The following WNT3 variants were observed in gnomAD, a reference collection of about 807,000 sequenced individuals.
WNT3 encodes proto-oncogene Wnt-3.
In WNT3, 7 loss-of-function variants were observed where a neutral mutation model predicts 34.2. The observed-to-expected ratio is 0.20, with a 90% confidence interval of 0.12 to 0.38. The LOEUF (loss-of-function observed/expected upper bound fraction) is 0.38, where lower values mean the gene tolerates loss of function less well. WNT3 is among the 10% of genes least tolerant of loss of function. The probability of loss-of-function intolerance (pLI) is 1.00; values close to 1 mark genes in which losing one functional copy is unlikely to be tolerated. For missense variants in WNT3, 267 were observed against 499.8 expected (o/e 0.53, Z 4.44); for synonymous variants, 212 against 211.5 (o/e 1.00, Z -0.02).
chr17:46,773,630 A>AACC, intron 2 of WNT3, 38 bp downstream of exon 2: 6 of 149,016 alleles, frequency 4.0e-5, no homozygotes, highest in South Asian at 2.3e-4. Context: ...CCCTCCCCCC[A>AACC]CCCAGCCCCT....
intron 1 of WNT3, among the ~76,000 whole-genome samples, chr17:46,789,157 T>C (rs1452524788): frequency 6.6e-6 from 1 of 152,152 alleles, no homozygotes; most frequent in African/African-American, 2.4e-5. Flanking sequence ...TACCTGAACC[T>C]GGAGCTGCCC....
chr17:46,767,302 C>T (rs750563140), intron 4 of WNT3, among the ~76,000 whole-genome samples: 8 of 152,126 alleles, frequency 5.3e-5, no homozygotes, highest in Admixed American at 2.0e-4. Flanking sequence ...CCTCCTGCTC[C>T]CCGTCATCAT....
intron 1 of WNT3, among the ~76,000 whole-genome samples, chr17:46,809,312 G>A (rs1568096479): frequency 1.3e-5 from 2 of 152,172 alleles, no homozygotes; most frequent in Non-Finnish European, 2.9e-5. Context: ...CACAGCACAA[G>A]CCCTATTTGC....
chr17:46,796,991 C>A (rs1280895643), intron 1 of WNT3, among the ~76,000 whole-genome samples: 2 of 152,110 alleles, frequency 1.3e-5, no homozygotes, highest in East Asian at 1.9e-4. Flanking sequence ...AGAATCTTCT[C>A]GATCCCATTT....
intron 1 of WNT3, among the ~76,000 whole-genome samples, chr17:46,806,313 G>A (rs541720116): frequency 7.6e-5 from 11 of 144,048 alleles, no homozygotes; most frequent in South Asian, 2.2e-4. Context: ...CGGTTGAAGC[G>A]ATTCTCCTTT....
intron 1 of WNT3, among the ~76,000 whole-genome samples, chr17:46,805,478 C>G (rs2084182700): frequency 6.6e-6 from 1 of 152,182 alleles, no homozygotes; most frequent in Non-Finnish European, 1.5e-5. Context: ...GAGGCTGAGG[C>G]AGGAGAATCG....
intron 1 of WNT3, among the ~76,000 whole-genome samples, chr17:46,792,740 G>A (rs1489919612): frequency 1.3e-5 from 2 of 152,194 alleles, no homozygotes; most frequent in Non-Finnish European, 2.9e-5. Flanking sequence ...CCAAAGCGCT[G>A]GGACTACAGG....
chr17:46,817,951 C>A (rs1477084533), intron 1 of WNT3, among the ~76,000 whole-genome samples: 2 of 152,024 alleles, frequency 1.3e-5, no homozygotes, highest in Non-Finnish European at 2.9e-5. Context: ...GAATCTAGAG[C>A]GGTGGGGAGA....
chr17:46,799,829 T>C (rs1010771758), intron 1 of WNT3, among the ~76,000 whole-genome samples: 4 of 152,190 alleles, frequency 2.6e-5, no homozygotes, highest in African/African-American at 9.7e-5. Flanking sequence ...AGGAAGAGAC[T>C]GAGACTCAGA....
In WNT3 at chr17:46,769,676, C is replaced by T. The variant is rs541370658; in HGVS notation, c.588+107G>A. The T allele has an allele frequency of 2.7e-4, 407 of 1,487,554 alleles. 1 individual carries two copies. The highest frequency in any genetic ancestry group is 5.1e-4 in the Admixed American group (27 of 52,910). The allele number at this position is 1,487,554 out of a possible 1,614,324, so 92.1% of individuals were successfully genotyped here. A position where few individuals can be genotyped will look rare whatever the true frequency, so the allele number is the denominator to read the frequency against. ...AGCCTGGCCAAGGGGAAAAGGAGCC[C>T]GCGACCCACAGGGCTGCCGGAAGGG... On this transcript the variant is annotated intron_variant, in intron 3 of 4. Coordinates refer to ENST00000225512, the MANE Select transcript of WNT3 (RefSeq NM_030753.5).
intron 1 of WNT3, among the ~76,000 whole-genome samples, chr17:46,797,074 C>T (rs927522101): frequency 2.0e-5 from 3 of 152,100 alleles, no homozygotes; most frequent in African/African-American, 4.8e-5. Flanking sequence ...CAAATAAAAA[C>T]GGGTCACACT....
At chr17:46,803,231 T>G (rs1218267200) in intron 1 of WNT3, among the ~76,000 whole-genome samples, 1 of 152,214 alleles carries the variant, frequency 6.6e-6, no homozygotes, top group Non-Finnish European at 1.5e-5. Flanking sequence ...TCCTGTACTT[T>G]CATTAAAAAG....
chr17:46,810,761 T>C (rs1197162725), intron 1 of WNT3, among the ~76,000 whole-genome samples: 1 of 152,044 alleles, frequency 6.6e-6, no homozygotes, highest in African/African-American at 2.4e-5. Context: ...CCTCCATGAC[T>C]GCAATCTCGG....
intron 1 of WNT3, among the ~76,000 whole-genome samples, chr17:46,816,475 G>GCACACACACA (rs113581876): frequency 2.2e-4 from 32 of 144,360 alleles, no homozygotes; most frequent in South Asian, 6.7e-4. Flanking sequence ...CAGAACACAC[G>GCACACACACA]CACACACACA....
At chr17:46,771,015 C>T (rs911972028) in intron 2 of WNT3, among the ~76,000 whole-genome samples, 1 of 152,208 alleles carries the variant, frequency 6.6e-6, no homozygotes, top group African/African-American at 2.4e-5. Context: ...CAAAATTGGT[C>T]ATAAATGTGA....
intron 1 of WNT3, among the ~76,000 whole-genome samples, chr17:46,777,722 C>A (rs1338508862): frequency 1.3e-5 from 2 of 152,196 alleles, no homozygotes; most frequent in African/African-American, 2.4e-5. Flanking sequence ...CATTGTTATC[C>A]CCATTTTGCA....
At chr17:46,767,298 G>A (rs1231180263) in intron 4 of WNT3, among the ~76,000 whole-genome samples, 1 of 152,068 alleles carries the variant, frequency 6.6e-6, no homozygotes, top group Non-Finnish European at 1.5e-5. Context: ...AATCCCTCCT[G>A]CTCCCCGTCA....
At chr17:46,800,989 C>G (rs2146442716) in intron 1 of WNT3, among the ~76,000 whole-genome samples, 1 of 152,302 alleles carries the variant, frequency 6.6e-6, no homozygotes, top group East Asian at 1.9e-4. Context: ...ACAACGCAGA[C>G]TGTAACATGA....
At chr17:46,793,449 G>A (rs758938735) in intron 1 of WNT3, among the ~76,000 whole-genome samples, 1 of 152,060 alleles carries the variant, frequency 6.6e-6, no homozygotes, top group South Asian at 2.1e-4. Flanking sequence ...CTGGGCTCCC[G>A]CCTATCAGTC....
Sources: allele counts gnomAD v4.1 joint callset (sites outside exome capture counted in the v4.1 genomes callset), GRCh38; gene constraint gnomAD v4.1.1; transcripts MANE v1.5; gene names NCBI Gene and HGNC (gene_info 2026-07-23, HGNC 2026-07-21).